PLCXD3: variants seen among roughly 807,000 people sequenced by gnomAD.
PLCXD3 encodes the protein phosphatidylinositol specific phospholipase C X domain containing 3, also known as PI-PLC X domain-containing protein 3.
Under a neutral mutation model 25.5 loss-of-function variants are expected in PLCXD3, and 19 were observed. The ratio of observed to expected loss-of-function variants is 0.75; its 90% CI spans 0.52 to 1.09. The LOEUF (loss-of-function observed/expected upper bound fraction) is 1.09. Among genes scored for constraint, PLCXD3 ranks in the 50% least tolerant of loss-of-function variants. The pLI is 0.00. For missense variants in PLCXD3, 411 were observed against 388.1 expected, an observed-to-expected ratio of 1.06 and a Z score of -0.50; for synonymous variants, 174 against 137.6, an observed-to-expected ratio of 1.26 and a Z score of -1.85.
intron 1 of PLCXD3, among the ~76,000 whole-genome samples, chr5:41,464,303 A>C (rs544217072): frequency 6.6e-6 from 1 of 152,168 alleles, no homozygotes; most frequent in South Asian, 2.1e-4. Flanking sequence ...TTATATTCCT[A>C]AGAAATAAAC....
intron 2 of PLCXD3, among the ~76,000 whole-genome samples, chr5:41,332,637 A>G (rs1033652981): frequency 5.3e-5 from 8 of 152,124 alleles, no homozygotes; most frequent in Non-Finnish European, 1.2e-4. Flanking sequence ...ATAAAGACAC[A>G]TGCACACATA....
intron 1 of PLCXD3, among the ~76,000 whole-genome samples, chr5:41,425,823 T>C (rs1023095594): frequency 2.0e-5 from 3 of 152,256 alleles, no homozygotes; most frequent in South Asian, 2.1e-4. Context: ...CATTTCATTT[T>C]AGCACTGAAT....
intron 1 of PLCXD3, among the ~76,000 whole-genome samples, chr5:41,483,457 A>G (rs1259976206): frequency 1.3e-5 from 2 of 152,168 alleles, no homozygotes; most frequent in South Asian, 2.1e-4. Flanking sequence ...CCCATCTTAA[A>G]AGGTTGTCGC....
chr5:41,357,738 A>G (rs1744658866), intron 2 of PLCXD3, among the ~76,000 whole-genome samples: 1 of 152,366 alleles, frequency 6.6e-6, no homozygotes, highest in Admixed American at 6.5e-5. Flanking sequence ...TTAGTTCTAA[A>G]AATAATTATA....
intron 2 of PLCXD3, among the ~76,000 whole-genome samples, chr5:41,315,338 A>G (rs2150467542): frequency 6.6e-6 from 1 of 152,194 alleles, no homozygotes; most frequent in Non-Finnish European, 1.5e-5. Flanking sequence ...GAGAAAAGGG[A>G]AGAAGGGGAG....
chr5:41,393,393 C>T (rs1745895696), intron 1 of PLCXD3, among the ~76,000 whole-genome samples: 1 of 152,020 alleles, frequency 6.6e-6, no homozygotes, highest in Non-Finnish European at 1.5e-5. Context: ...CTTCATGGGC[C>T]AGGAGAAAGT....
intron 1 of PLCXD3, among the ~76,000 whole-genome samples, chr5:41,404,446 CT>C: frequency 6.6e-6 from 1 of 151,744 alleles, no homozygotes; most frequent in African/African-American, 2.4e-5. Context: ...ATTAGGATAG[CT>C]ATGCAAGCAC....
chr5:41,473,648 G>C (rs757162675), intron 1 of PLCXD3, among the ~76,000 whole-genome samples: 22 of 152,072 alleles, frequency 1.4e-4, no homozygotes, highest in Non-Finnish European at 2.5e-4. Flanking sequence ...AATAGATACG[G>C]GGTTTCACCA....
chr5:41,435,802 C>T (rs1322051638), intron 1 of PLCXD3, among the ~76,000 whole-genome samples: 1 of 152,188 alleles, frequency 6.6e-6, no homozygotes, highest in African/African-American at 2.4e-5. Flanking sequence ...AGATGTTAAG[C>T]TTCTTCTTCA....
intron 2 of PLCXD3, among the ~76,000 whole-genome samples, chr5:41,316,741 G>A (rs1442260029): frequency 6.6e-6 from 1 of 152,174 alleles, no homozygotes; most frequent in African/African-American, 2.4e-5. Flanking sequence ...TGGCTAGGGT[G>A]GTGGTGGCTA....
intron 1 of PLCXD3, among the ~76,000 whole-genome samples, chr5:41,465,062 C>T (rs1463212323): frequency 6.6e-6 from 1 of 151,952 alleles, no homozygotes; most frequent in East Asian, 1.9e-4. Context: ...TCATTCCATT[C>T]TTTCTTTTAA....
chr5:41,496,768 A>G (rs1451108060), intron 1 of PLCXD3, among the ~76,000 whole-genome samples: 2 of 149,166 alleles, frequency 1.3e-5, no homozygotes, highest in African/African-American at 5.0e-5. Flanking sequence ...CTTAATGGTA[A>G]AGATAAATAT....
At position 41,323,906 on chromosome 5, in the gene PLCXD3, A is replaced by G. The variant is rs541720147; in HGVS notation, c.813-10136T>C. On this transcript the variant is annotated intron_variant, in intron 2 of 2. Coordinates refer to ENST00000377801, the MANE Select transcript of PLCXD3 (RefSeq NM_001005473.3). ...GAGCGAAGCCTTTCCAGCAAGCATG[A>G]TAAGTTCAGTCTGATATATGTTGAT... 5.3e-5 allele frequency among the ~76,000 whole-genome samples: 8 copies of G among 152,306 alleles called. No homozygotes were observed. The East Asian group carries it at 1.2e-3, about 22-fold the overall frequency.
intron 1 of PLCXD3, among the ~76,000 whole-genome samples, chr5:41,459,598 T>G (rs1278243113): frequency 6.6e-6 from 1 of 151,776 alleles, no homozygotes; most frequent in Non-Finnish European, 1.5e-5. Flanking sequence ...ACACACAGAA[T>G]ATTAATAAAA....
In PLCXD3 at chr5:41,310,749, C is replaced by G. The variant is rs149511699; in HGVS notation, c.*2868G>C. On this transcript the variant is annotated 3_prime_UTR_variant, in exon 3 of 3. Coordinates refer to ENST00000377801, the MANE Select transcript of PLCXD3 (RefSeq NM_001005473.3). ...CTCTAGCTGGAGGACCCATGGTTCC[C>G]TTCTACCTCTTCCCTCCTTTATAAA... 2 of 152,558 alleles carry G rather than the reference C, an allele frequency of 1.3e-5. No homozygotes were observed. Among genetic ancestry groups the G allele is most frequent in the Non-Finnish European group, 2.9e-5 (2 of 68,022 alleles). The allele number at this position is 152,558 out of a possible 1,614,324, so 9.5% of individuals were successfully genotyped here.
intron 1 of PLCXD3, among the ~76,000 whole-genome samples, chr5:41,417,828 A>G (rs1488983465): frequency 6.6e-6 from 1 of 152,216 alleles, no homozygotes; most frequent in Admixed American, 6.5e-5. Flanking sequence ...AAACGTGCCC[A>G]CTGTGGGCCT....
Position 41,310,420 on chromosome 5 carries a change from C to T in PLCXD3, c.*3197G>A, listed in dbSNP as rs112103793. On this transcript the variant is annotated 3_prime_UTR_variant, in exon 3 of 3. Transcript: ENST00000377801. Reference sequence around the variant, plus strand: ...TGTTTTGTTTTGTTTTTTTGCCTCACAGGACTTGTGAAATAGTCTTAAGAA... The same window carrying T: ...TGTTTTGTTTTGTTTTTTTGCCTCATAGGACTTGTGAAATAGTCTTAAGAA... 1 of 151,986 alleles carries T rather than the reference C, an allele frequency of 6.6e-6. No individual in the cohort carries two copies. Among genetic ancestry groups the T allele is most frequent in the South Asian group, 2.1e-4 (1 of 4,822 alleles). 9.4% of individuals were successfully genotyped at this position (151,986 alleles called of 1,614,324 possible).
In PLCXD3 at chr5:41,349,333, A is replaced by G. The variant is rs555244528; in HGVS notation, c.812+32493T>C. ...AAGTTCAAAATTTTATGTCAGGATAAAAAGTTTCATCATGATCATCAAACA... is the reference window on the plus strand; with the variant it reads ...AAGTTCAAAATTTTATGTCAGGATAGAAAGTTTCATCATGATCATCAAACA... On this transcript the variant is annotated intron_variant, in intron 2 of 2. Transcript: ENST00000377801. Among the ~76,000 whole-genome samples, 30 of 152,352 alleles carry G rather than the reference A, an allele frequency of 2.0e-4. No individual in the cohort carries two copies. In the South Asian group the frequency reaches 2.7e-3, roughly 14 times the overall value.
chr5:41,500,806 T>A (rs1399648032), intron 1 of PLCXD3, among the ~76,000 whole-genome samples: 1 of 151,928 alleles, frequency 6.6e-6, no homozygotes, highest in Non-Finnish European at 1.5e-5. Flanking sequence ...TTGCAAATCA[T>A]ATATATGATA....
Sources: allele counts gnomAD v4.1 joint callset (sites outside exome capture counted in the v4.1 genomes callset), GRCh38; gene constraint gnomAD v4.1.1; transcripts MANE v1.5; gene names NCBI Gene and HGNC (gene_info 2026-07-23, HGNC 2026-07-21).